HRH1: variants seen among roughly 807,000 people sequenced by gnomAD.
The protein encoded by HRH1 is histamine receptor H1.
Under a neutral mutation model 10.3 loss-of-function variants are expected in HRH1, and 6 were observed. The observed-to-expected ratio is 0.58, with a 90% CI of 0.32 to 1.15. HRH1 has a LOEUF of 1.15. HRH1 is among the 50% of genes most tolerant of loss of function. The pLI is 0.05. For synonymous variants in HRH1, 242 were observed against 236.7 expected, an observed-to-expected ratio of 1.02 and a Z score of -0.21; for missense variants, 514 against 615.3, an observed-to-expected ratio of 0.84 and a Z score of 1.74.
intron 1 of HRH1, among the ~76,000 whole-genome samples, chr3:11,250,065 C>T (rs1475096821): frequency 4.1e-5 from 4 of 97,490 alleles, no homozygotes; most frequent in East Asian, 3.5e-4. Context: ...TTTTTTGAGA[C>T]GGAGTCTCGC....
intron 1 of HRH1, among the ~76,000 whole-genome samples, chr3:11,173,592 A>G (rs1937196083): frequency 6.6e-6 from 1 of 151,606 alleles, no homozygotes; most frequent in African/African-American, 2.4e-5. Context: ...GATATTTATT[A>G]TTAGATTATC....
At chr3:11,210,714 G>A (rs1031890327) in intron 1 of HRH1, among the ~76,000 whole-genome samples, 16 of 151,732 alleles carry the variant, frequency 1.1e-4, no homozygotes, top group Non-Finnish European at 1.9e-4. Context: ...GATTGCTTGA[G>A]CTCGGGAGGC....
chr3:11,190,415 C>G lies in HRH1; in HGVS notation c.-36+35861C>G, dbSNP rs561925702. ...TTTATTTTGTAGAGATGGAGTATCA[C>G]TCTGTCACCCAGGCTGGAGTGCTGG... On this transcript the variant is annotated intron_variant, in intron 1 of 1. Transcript: ENST00000431010. Among the ~76,000 whole-genome samples the G allele has an allele frequency of 3.8e-4, 57 of 151,888 alleles. 2 individuals carry two copies. The Middle Eastern group carries it at 0.021, about 55-fold the overall frequency.
intron 1 of HRH1, among the ~76,000 whole-genome samples, chr3:11,243,192 G>T (rs975637362): frequency 6.6e-6 from 1 of 152,224 alleles, no homozygotes; most frequent in Non-Finnish European, 1.5e-5. Flanking sequence ...GGGATTACAG[G>T]TGTGAGCCCC....
chr3:11,178,282 C>G (rs1477031253), intron 1 of HRH1, among the ~76,000 whole-genome samples: 1 of 152,240 alleles, frequency 6.6e-6, no homozygotes, highest in Non-Finnish European at 1.5e-5. Flanking sequence ...GTGACACACA[C>G]ATTGGGAATT....
chr3:11,175,705 T>C (rs1377115311), intron 1 of HRH1, among the ~76,000 whole-genome samples: 1 of 152,252 alleles, frequency 6.6e-6, no homozygotes, highest in Admixed American at 6.5e-5. Flanking sequence ...GTCAGATGCC[T>C]GTAACCACAT....
chr3:11,153,749 G>A (rs1031098299), upstream of HRH1, among the ~76,000 whole-genome samples: 2 of 151,694 alleles, frequency 1.3e-5, no homozygotes, highest in Non-Finnish European at 2.9e-5. Flanking sequence ...GACCTGCAGA[G>A]GGGCCTCACC....
At chr3:11,159,967 A>T (rs1178090677) in intron 1 of HRH1, among the ~76,000 whole-genome samples, 1 of 152,190 alleles carries the variant, frequency 6.6e-6, no homozygotes, top group Non-Finnish European at 1.5e-5. Flanking sequence ...CCAGCCTTGG[A>T]CTCTGGATGA....
At chr3:11,212,063 A>G (rs1413545472) in intron 1 of HRH1, among the ~76,000 whole-genome samples, 2 of 151,986 alleles carry the variant, frequency 1.3e-5, no homozygotes, top group African/African-American at 2.4e-5. Context: ...AATATTTGCT[A>G]TTGGGATTGT....
chr3:11,246,558 A>G (rs1939494987), intron 1 of HRH1, among the ~76,000 whole-genome samples: 1 of 152,222 alleles, frequency 6.6e-6, no homozygotes, highest in Admixed American at 6.5e-5. Flanking sequence ...AGCACCTTAC[A>G]TTAGTCATCT....
At chr3:11,153,237 C>T (rs1936686557), upstream of HRH1, among the ~76,000 whole-genome samples, 1 of 152,126 alleles carries the variant, frequency 6.6e-6, no homozygotes, top group Non-Finnish European at 1.5e-5. Context: ...ATAATAGTTC[C>T]TACCTACTAG....
intron 1 of HRH1, among the ~76,000 whole-genome samples, chr3:11,235,537 C>G (rs1939157755): frequency 6.6e-6 from 1 of 152,166 alleles, no homozygotes; most frequent in African/African-American, 2.4e-5. Flanking sequence ...GCAGATAAGT[C>G]CCCAGCTGGG....
chr3:11,256,793 G>A (rs920774633), intron 1 of HRH1, among the ~76,000 whole-genome samples: 4 of 152,106 alleles, frequency 2.6e-5, no homozygotes, highest in African/African-American at 7.2e-5. Context: ...GCGAGACTCC[G>A]TCTCTAAATA....
upstream of HRH1, among the ~76,000 whole-genome samples, chr3:11,153,946 C>T (rs1278776229): frequency 6.6e-6 from 1 of 152,164 alleles, no homozygotes; most frequent in East Asian, 1.9e-4. Flanking sequence ...TACTGTCAAT[C>T]TTGTTCCACC....
chr3:11,215,489 G>A (rs953658627), intron 1 of HRH1, among the ~76,000 whole-genome samples: 4 of 152,182 alleles, frequency 2.6e-5, no homozygotes, highest in African/African-American at 4.8e-5. Flanking sequence ...CGCCCAGGCT[G>A]GAGTGCAGTG....
At chr3:11,245,557 T>C (rs566581636) in intron 1 of HRH1, among the ~76,000 whole-genome samples, 13 of 152,298 alleles carry the variant, frequency 8.5e-5, no homozygotes, top group Non-Finnish European at 1.9e-4. Flanking sequence ...CCTTACTGTT[T>C]CAGCTGCCCC....
At chr3:11,250,459 C>T (rs1453920914) in intron 1 of HRH1, among the ~76,000 whole-genome samples, 1 of 152,008 alleles carries the variant, frequency 6.6e-6, no homozygotes, top group African/African-American at 2.4e-5. Context: ...ACTGCTGTCT[C>T]AGTTGTGAGG....
At chr3:11,185,040 A>T (rs1322034879) in intron 1 of HRH1, among the ~76,000 whole-genome samples, 42 of 65,778 alleles carry the variant, frequency 6.4e-4, no homozygotes, top group African/African-American at 2.2e-3. Context: ...TACTAATTTA[A>T]AAAAAAAAAA....
At chr3:11,172,986 C>A (rs1014131644) in intron 1 of HRH1, among the ~76,000 whole-genome samples, 1 of 152,116 alleles carries the variant, frequency 6.6e-6, no homozygotes, top group Admixed American at 6.5e-5. Context: ...CGTGAGCCAC[C>A]GCGCCCGGCC....
Sources: gnomAD v4.1 joint callset for allele counts (sites outside exome capture counted in the v4.1 genomes callset) on GRCh38, gnomAD v4.1.1 for gene constraint, MANE v1.5 for transcripts, NCBI Gene and HGNC (gene_info 2026-07-23, HGNC 2026-07-21) for gene names.